XXYLT1: variants seen among roughly 807,000 people sequenced by gnomAD.
The protein encoded by XXYLT1 is UDP-xylose:alpha-xyloside alpha-1,3-xylosyltransferase.
XXYLT1 carries 20 observed loss-of-function variants against 28.9 expected under a neutral mutation model. The ratio of observed to expected loss-of-function variants is 0.69; its 90% CI spans 0.49 to 1.00. The LOEUF (loss-of-function observed/expected upper bound fraction) is 1.00. Among genes scored for constraint, XXYLT1 ranks in the 50% least tolerant of loss-of-function variants. The probability of loss-of-function intolerance (pLI) is 0.00; values close to 1 mark genes in which losing one functional copy is unlikely to be tolerated. For missense variants in XXYLT1, 542 were observed against 560.1 expected, an observed-to-expected ratio of 0.97 and a Z score of 0.33; for synonymous variants, 257 against 253.8, an observed-to-expected ratio of 1.01 and a Z score of -0.12.
chr3:195,114,260 C>T (rs1717929666), intron 3 of XXYLT1, among the ~76,000 whole-genome samples: 2 of 152,206 alleles, frequency 1.3e-5, no homozygotes, highest in South Asian at 2.1e-4. Flanking sequence ...ACGTGAAGCC[C>T]TGAACTCAGC....
chr3:195,165,381 G>A (rs775466685), intron 2 of XXYLT1, among the ~76,000 whole-genome samples: 8 of 152,124 alleles, frequency 5.3e-5, no homozygotes, highest in Non-Finnish European at 1.2e-4. Flanking sequence ...ATAGGACCAG[G>A]CAGAGAACAG....
At chr3:195,252,727 C>CACACAG (rs1191544595) in intron 1 of XXYLT1, among the ~76,000 whole-genome samples, 110 of 119,066 alleles carry the variant, frequency 9.2e-4, no homozygotes, top group Non-Finnish European at 1.2e-3. Context: ...CACACACACA[C>CACACAG]AGAGAGAGAG....
chr3:195,222,796 G>A (rs1347633887), intron 2 of XXYLT1, among the ~76,000 whole-genome samples: 3 of 151,980 alleles, frequency 2.0e-5, no homozygotes, highest in African/African-American at 7.3e-5. Context: ...TTCTTTCATG[G>A]GGGTTGAAAT....
chr3:195,200,103 A>G (rs1036569255), intron 2 of XXYLT1, among the ~76,000 whole-genome samples: 1 of 152,208 alleles, frequency 6.6e-6, no homozygotes, highest in African/African-American at 2.4e-5. Context: ...CACATTTCCC[A>G]TAAAGATCTT....
At chr3:195,186,220 C>G (rs900647397) in intron 2 of XXYLT1, among the ~76,000 whole-genome samples, 2 of 152,240 alleles carry the variant, frequency 1.3e-5, no homozygotes, top group Non-Finnish European at 2.9e-5. Flanking sequence ...CGTTGAGCTT[C>G]ACTGTGCTCT....
chr3:195,171,248 T>A (rs1389753683), intron 2 of XXYLT1, among the ~76,000 whole-genome samples: 1 of 152,132 alleles, frequency 6.6e-6, no homozygotes, highest in Non-Finnish European at 1.5e-5. Context: ...AAGCCTAAGT[T>A]CTCCTGGCAG....
intron 3 of XXYLT1, among the ~76,000 whole-genome samples, chr3:195,100,930 C>T (rs1241712243): frequency 2.0e-5 from 3 of 152,272 alleles, no homozygotes; most frequent in African/African-American, 7.2e-5. Context: ...TCCAAATTTA[C>T]TGAAGCGAAC....
At chr3:195,088,522 CT>C (rs1228981323) in intron 3 of XXYLT1, among the ~76,000 whole-genome samples, 2,708 of 131,096 alleles carry the variant, frequency 0.021, 105 homozygotes, top group African/African-American at 0.07. Context: ...AAAAACCCAT[CT>C]GTACATCACC....
At chr3:195,139,223 G>T (rs1719355856) in intron 3 of XXYLT1, among the ~76,000 whole-genome samples, 1 of 152,230 alleles carries the variant, frequency 6.6e-6, no homozygotes, top group African/African-American at 2.4e-5. Flanking sequence ...TGGCTGCAAA[G>T]CTCCCGGGTA....
chr3:195,259,508 T>C (rs1371808703), intron 1 of XXYLT1: 70 of 951,186 alleles, frequency 7.4e-5, no homozygotes, highest in Non-Finnish European at 8.6e-5. Flanking sequence ...CTTCGGGCCC[T>C]GCCAGGCGGC....
rs1560100675 is a variant in XXYLT1, at chr3:195,110,293, GCGT to G, written c.786-40185_786-40183del. On this transcript the variant is annotated intron_variant, in intron 3 of 3. Coordinates refer to ENST00000310380, the MANE Select transcript of XXYLT1 (RefSeq NM_152531.5). ...TGTGGTGTGTGTGGGGTGTATGTGT[GCGT>G]GTGTGGTATATGTGTGTGTGGGTGA... 9.0e-3 allele frequency among the ~76,000 whole-genome samples: 8 copies of G among 888 alleles called. 1 individual carries two copies. The highest frequency in any genetic ancestry group is 0.021 in the African/African-American group (4 of 192). 0.6% of individuals were successfully genotyped at this position (888 alleles called of 152,430 possible).
intron 2 of XXYLT1, among the ~76,000 whole-genome samples, chr3:195,198,000 G>A (rs1465769467): frequency 5.3e-5 from 8 of 152,214 alleles, no homozygotes; most frequent in Admixed American, 3.3e-4. Flanking sequence ...CACGCTAATC[G>A]GGCTTCACCC....
chr3:195,245,410 G>T (rs1333670644), intron 1 of XXYLT1, among the ~76,000 whole-genome samples: 1 of 151,888 alleles, frequency 6.6e-6, no homozygotes, highest in East Asian at 2.0e-4. Context: ...GCCCACCTCG[G>T]CCTCCCAAAG....
intron 2 of XXYLT1, among the ~76,000 whole-genome samples, chr3:195,221,280 C>A (rs150194622): frequency 7.2e-5 from 11 of 152,334 alleles, no homozygotes; most frequent in South Asian, 4.1e-4. Flanking sequence ...TGTGACCTGT[C>A]CTCTTCTGAA....
chr3:195,192,254 C>A (rs1334781161), intron 2 of XXYLT1, among the ~76,000 whole-genome samples: 2 of 152,000 alleles, frequency 1.3e-5, no homozygotes, highest in Non-Finnish European at 2.9e-5. Context: ...GAAACCCGGC[C>A]TCTATTAAAC....
At chr3:195,137,017 G>A (rs922679536) in intron 3 of XXYLT1, among the ~76,000 whole-genome samples, 3 of 152,138 alleles carry the variant, frequency 2.0e-5, no homozygotes, top group Admixed American at 6.5e-5. Context: ...CAACTCGTTC[G>A]AGTCCTAGGA....
intron 3 of XXYLT1, among the ~76,000 whole-genome samples, chr3:195,123,158 A>G (rs1322089697): frequency 6.6e-6 from 1 of 151,980 alleles, no homozygotes; most frequent in Non-Finnish European, 1.5e-5. Flanking sequence ...AGGTATCTTC[A>G]ATGTGCAAGC....
At chr3:195,110,292 TGC>T (rs1335668881) in intron 3 of XXYLT1, among the ~76,000 whole-genome samples, 307 of 1,400 alleles carry the variant, frequency 0.22, 19 homozygotes, top group African/African-American at 0.35. Flanking sequence ...GGTGTATGTG[TGC>T]GTGTGTGGTA....
At chr3:195,224,305 C>T (rs1365905469) in intron 2 of XXYLT1, among the ~76,000 whole-genome samples, 1 of 152,234 alleles carries the variant, frequency 6.6e-6, no homozygotes, top group African/African-American at 2.4e-5. Flanking sequence ...GGGGCCCACA[C>T]CTGGAGGGAC....
Sources: gnomAD v4.1 joint callset for allele counts (sites outside exome capture counted in the v4.1 genomes callset) on GRCh38, gnomAD v4.1.1 for gene constraint, MANE v1.5 for transcripts, NCBI Gene and HGNC (gene_info 2026-07-23, HGNC 2026-07-21) for gene names.